The following DOCK4 variants were observed in gnomAD, a reference collection of about 807,000 sequenced individuals.
The protein encoded by DOCK4 is dedicator of cytokinesis 4.
DOCK4 carries 97 observed loss-of-function variants against 268.1 expected under a neutral mutation model. The observed-to-expected ratio is 0.36, with a 90% confidence interval of 0.31 to 0.43. The LOEUF (loss-of-function observed/expected upper bound fraction) is 0.43. Among genes scored for constraint, DOCK4 ranks in the 20% least tolerant of loss-of-function variants. DOCK4 has a pLI of 1.00. For synonymous variants in DOCK4, 954 were observed against 887.2 expected, an observed-to-expected ratio of 1.08 and a Z score of -1.34; for missense variants, 2,145 against 2,455.7, an observed-to-expected ratio of 0.87 and a Z score of 2.67.
intron 12 of DOCK4, among the ~76,000 whole-genome samples, chr7:111,917,137 G>A (rs1792675267): frequency 6.6e-6 from 1 of 151,602 alleles, no homozygotes; most frequent in Non-Finnish European, 1.5e-5. Context: ...ACAGGCGTCC[G>A]CCATCACACC....
chr7:111,800,599 A>G (rs887299583), intron 30 of DOCK4, among the ~76,000 whole-genome samples: 5 of 152,200 alleles, frequency 3.3e-5, no homozygotes, highest in Non-Finnish European at 7.3e-5. Context: ...GTTATGGTCT[A>G]TAGGACCCCC....
intron 1 of DOCK4, among the ~76,000 whole-genome samples, chr7:112,118,081 C>T (rs575662354): frequency 1.7e-4 from 26 of 151,966 alleles, no homozygotes; most frequent in African/African-American, 4.6e-4. Context: ...CTTATTGAAC[C>T]GTCCCCATTT....
At chr7:111,876,550 G>C (rs1423234593) in intron 17 of DOCK4, among the ~76,000 whole-genome samples, 1 of 152,138 alleles carries the variant, frequency 6.6e-6, no homozygotes, top group African/African-American at 2.4e-5. Flanking sequence ...TACAGAAGAT[G>C]TTTTCATAGC....
At chr7:111,835,553 C>T (rs1803172143) in intron 25 of DOCK4, among the ~76,000 whole-genome samples, 1 of 152,140 alleles carries the variant, frequency 6.6e-6, no homozygotes, top group African/African-American at 2.4e-5. Flanking sequence ...CTTGCATTTT[C>T]AATGCAACCT....
At chr7:111,802,972 T>C (rs954691598) in intron 30 of DOCK4, among the ~76,000 whole-genome samples, 4 of 152,192 alleles carry the variant, frequency 2.6e-5, no homozygotes, top group Admixed American at 1.3e-4. Flanking sequence ...TTTACAAATA[T>C]AGAACCCTAA....
chr7:111,809,003 T>A, intron 29 of DOCK4, 124 bp from the exon 30 acceptor site: 1 of 1,058,782 alleles, frequency 9.4e-7, no homozygotes, highest in Non-Finnish European at 1.4e-6. Context: ...TAAAGACATT[T>A]AATATACATG....
chr7:111,807,283 G>A (rs1252732306), intron 30 of DOCK4, among the ~76,000 whole-genome samples: 1 of 152,070 alleles, frequency 6.6e-6, no homozygotes, highest in Non-Finnish European at 1.5e-5. Flanking sequence ...ATGCAATATG[G>A]ACACTACAAG....
At chr7:111,806,528 C>T (rs568119198) in intron 30 of DOCK4, among the ~76,000 whole-genome samples, 2 of 152,264 alleles carry the variant, frequency 1.3e-5, no homozygotes, top group South Asian at 2.1e-4. Context: ...GCTTGAACCA[C>T]GTCATGCTGG....
At chr7:112,032,523 TG>T (rs759621496) in intron 1 of DOCK4, among the ~76,000 whole-genome samples, 26 of 152,200 alleles carry the variant, frequency 1.7e-4, no homozygotes, top group Admixed American at 4.6e-4. Context: ...AGGGCCTTTT[TG>T]TATTTTGGTA....
intron 1 of DOCK4, among the ~76,000 whole-genome samples, chr7:112,074,798 AC>A (rs1807914867): frequency 1.3e-5 from 2 of 152,208 alleles, no homozygotes; most frequent in South Asian, 4.1e-4. Flanking sequence ...CTCCTTAAAG[AC>A]CTGGATCCCA....
chr7:111,804,430 G>C (rs1041734782), intron 30 of DOCK4, among the ~76,000 whole-genome samples: 4 of 152,080 alleles, frequency 2.6e-5, no homozygotes, highest in Admixed American at 2.6e-4. Flanking sequence ...CAGGGGCTGG[G>C]GAGACAGGGG....
intron 1 of DOCK4, among the ~76,000 whole-genome samples, chr7:112,146,711 C>A (rs963568061): frequency 1.3e-5 from 2 of 152,074 alleles, no homozygotes; most frequent in Admixed American, 6.6e-5. Flanking sequence ...TTTGCCTGGG[C>A]AACAGTGTAA....
At chr7:112,094,085 GGTTT>G (rs1346973571) in intron 1 of DOCK4, among the ~76,000 whole-genome samples, 2 of 151,952 alleles carry the variant, frequency 1.3e-5, no homozygotes, top group Non-Finnish European at 2.9e-5. Flanking sequence ...TATATCAATA[GGTTT>G]TTTTCCAAAG....
In DOCK4 at chr7:111,765,185, T is replaced by C. The variant is rs1159986874; in HGVS notation, c.3953A>G (p.Gln1318Arg). The C allele has an allele frequency of 2.6e-6, 4 of 1,555,888 alleles. No individual in the cohort carries two copies. Among genetic ancestry groups the C allele is most frequent in the Non-Finnish European group, 2.6e-6 (3 of 1,153,072 alleles). ...GAAGAACTCTGGTTCAAGACGTTGC[T>C]GGTCCATAATTTTGTCATACAAAGA... The part of the protein sequence containing the change: ...EASLYDKIMD[Q>R]QRLEPEFFRV... The change falls in exon 39 of 53, where the codon CAG becomes CGG. Residue 1318 changes from glutamine to arginine, a missense_variant. This residue lies in a region of DOCK4 where 1,598 missense variants were observed against 1,986.7 expected (regional missense o/e 0.80). Coordinates refer to ENST00000428084, the MANE Select transcript of DOCK4 (RefSeq NM_001363540.2).
chr7:111,934,720 T>TTA (rs1205255218), intron 12 of DOCK4, among the ~76,000 whole-genome samples: 11 of 148,558 alleles, frequency 7.4e-5, no homozygotes, highest in African/African-American at 2.7e-4. Context: ...TTTTTTTTTT[T>TTA]AGTAGAGATG....
chr7:111,973,826 G>C (rs1289303336), intron 8 of DOCK4, among the ~76,000 whole-genome samples: 1 of 151,692 alleles, frequency 6.6e-6, no homozygotes, highest in African/African-American at 2.4e-5. Flanking sequence ...GGTACATAAG[G>C]GTTCCTTACA....
At chr7:112,165,292 CT>C (rs1817490298) in intron 1 of DOCK4, among the ~76,000 whole-genome samples, 1 of 152,114 alleles carries the variant, frequency 6.6e-6, no homozygotes, top group East Asian at 1.9e-4. Context: ...CTTTAACCTA[CT>C]TCTCTGCATC....
chr7:111,744,958 T>C (rs1161626704), intron 44 of DOCK4, among the ~76,000 whole-genome samples: 2 of 152,202 alleles, frequency 1.3e-5, no homozygotes, highest in African/African-American at 4.8e-5. Context: ...TACTTATTAA[T>C]TTGGCATTAT....
At chr7:111,914,866 G>A (rs1279214320) in intron 13 of DOCK4, among the ~76,000 whole-genome samples, 3 of 152,146 alleles carry the variant, frequency 2.0e-5, no homozygotes, top group African/African-American at 4.8e-5. Context: ...TATAGCCCCA[G>A]TATTTGGAAG....
Sources: gnomAD v4.1 joint callset for allele counts (sites outside exome capture counted in the v4.1 genomes callset) on GRCh38, gnomAD v4.1.1 for gene constraint, gnomAD v4.1.1 regional missense constraint, MANE v1.5 for transcripts, NCBI Gene and HGNC (gene_info 2026-07-23, HGNC 2026-07-21) for gene names.